The following FKTN variants were observed in gnomAD, a reference collection of about 807,000 sequenced individuals.
FKTN encodes fukutin.
In FKTN, 47 loss-of-function variants were observed where a neutral mutation model predicts 58.6. The ratio of observed to expected loss-of-function variants is 0.80; its 90% CI spans 0.63 to 1.02. The LOEUF (loss-of-function observed/expected upper bound fraction) is 1.02, where lower values mean the gene tolerates loss of function less well. Ranked by LOEUF, FKTN falls within the 50% of genes least tolerant of loss-of-function variation. The pLI is 0.00. For missense variants in FKTN, 516 were observed against 537.3 expected, an observed-to-expected ratio of 0.96 and a Z score of 0.39; for synonymous variants, 178 against 191.9, an observed-to-expected ratio of 0.93 and a Z score of 0.60.
intron 10 of FKTN, among the ~76,000 whole-genome samples, chr9:105,627,497 C>A (rs1030564612): frequency 5.3e-5 from 8 of 152,178 alleles, no homozygotes; most frequent in Non-Finnish European, 1.0e-4. Flanking sequence ...GATTCACTAG[C>A]TTTTCTACCA....
rs1296369353 is a variant in FKTN at position 105,604,343 on chromosome 9, G to A, written c.498G>A (p.Leu166=). The A allele has an allele frequency of 1.9e-6, 3 of 1,614,094 alleles. No individual in the cohort carries two copies. The East Asian group carries it at 6.7e-5, about 36-fold the overall frequency. Residue 166 remains leucine (L), a synonymous_variant, in exon 6 of 11, where the codon CTG becomes CTA. Transcript: ENST00000357998. ...TCCCCCTGCACTATATCTGCAAACT[G>A]GCCACTCATGCGATCCACTTGGTAG... The part of the protein sequence containing the change: ...TEIPLHYICK[L]ATHAIHLVVF...
chr9:105,606,773 A>T (rs952815844), intron 6 of FKTN, among the ~76,000 whole-genome samples: 5 of 151,080 alleles, frequency 3.3e-5, no homozygotes, highest in African/African-American at 1.2e-4. Context: ...ATATTTGAGA[A>T]TGACTGAAAA....
In FKTN at chr9:105,635,494, A is replaced by T. The variant is rs1379448254; in HGVS notation, c.*230A>T. 6.4e-5 allele frequency: 90 copies of T among 1,405,288 alleles called. No individual in the cohort carries two copies. Among genetic ancestry groups the T allele is most frequent in the Admixed American group, 3.8e-4 (13 of 33,852 alleles). The allele number at this position is 1,405,288 out of a possible 1,614,324, so 87.1% of individuals were successfully genotyped here. A position where few individuals can be genotyped will look rare whatever the true frequency, so the allele number is the denominator to read the frequency against. ...GGAGAAGCCTAGATGAATGAGACAA[A>T]TACCTACTTCTTTTATTCCTCCTTT... On this transcript the variant is annotated 3_prime_UTR_variant, in exon 11 of 11. Coordinates refer to ENST00000357998, the MANE Select transcript of FKTN (RefSeq NM_001079802.2).
chr9:105,595,245 A>G (rs1588043321), intron 3 of FKTN, among the ~76,000 whole-genome samples: 2 of 152,096 alleles, frequency 1.3e-5, no homozygotes, highest in East Asian at 3.9e-4. Context: ...CTGGAATTAG[A>G]TAGTGGTAAT....
intron 10 of FKTN, among the ~76,000 whole-genome samples, chr9:105,623,701 G>A (rs1406613542): frequency 2.6e-5 from 4 of 152,142 alleles, no homozygotes; most frequent in Non-Finnish European, 4.4e-5. Context: ...ACTGCTATGT[G>A]CTAAGGATAC....
At chr9:105,595,893 C>T (rs922322800) in intron 3 of FKTN, among the ~76,000 whole-genome samples, 5 of 152,168 alleles carry the variant, frequency 3.3e-5, no homozygotes, top group African/African-American at 9.7e-5. Context: ...ATCTTCATTA[C>T]GCTTGAAACA....
At chr9:105,568,732 G>A (rs1012295020) in intron 1 of FKTN, among the ~76,000 whole-genome samples, 6 of 152,166 alleles carry the variant, frequency 3.9e-5, no homozygotes, top group Non-Finnish European at 7.4e-5. Flanking sequence ...ACAGTGTGGC[G>A]ATTCCTCTGG....
chr9:105,585,747 G>A (rs1843785776), intron 3 of FKTN, among the ~76,000 whole-genome samples: 1 of 152,184 alleles, frequency 6.6e-6, no homozygotes, highest in Admixed American at 6.5e-5. Context: ...TGTGGGATAT[G>A]CTTAGATAAA....
In FKTN at chr9:105,611,969, C is replaced by T. The variant is rs186334792; in HGVS notation, c.781-3309C>T. On this transcript the variant is annotated intron_variant, in intron 7 of 10. Coordinates refer to ENST00000357998, the MANE Select transcript of FKTN (RefSeq NM_001079802.2). ...TGAACTAATTTACACTCCCACCAAC[C>T]GTGTATAAGTGTTCCTTTTTCTCCA... is the stretch of plus-strand genomic sequence containing the variant. Among the ~76,000 whole-genome samples the T allele has an allele frequency of 1.2e-4, 19 of 152,224 alleles. No homozygotes were observed. The East Asian group carries it at 2.7e-3, about 22-fold the overall frequency.
chr9:105,572,089 G>T (rs947104939), intron 1 of FKTN, among the ~76,000 whole-genome samples: 3 of 152,078 alleles, frequency 2.0e-5, no homozygotes, highest in Admixed American at 2.0e-4. Flanking sequence ...CATCAATGTT[G>T]ATTGATATTG....
In FKTN at chr9:105,636,004, C is replaced by T; in HGVS notation, c.*740C>T. The stretch of plus-strand genomic sequence containing the variant: ...CCATTGTGAGAATATTTTCACTGAC[C>T]TCTGATGGCACTTGTTGACAAATCA... On this transcript the variant is annotated 3_prime_UTR_variant, in exon 11 of 11. Coordinates refer to ENST00000357998, the MANE Select transcript of FKTN (RefSeq NM_001079802.2). The T allele has an allele frequency of 1.0e-6, 1 of 985,400 alleles. No individual in the cohort carries two copies. The highest frequency in any genetic ancestry group is 1.2e-6 in the Non-Finnish European group (1 of 829,958). 61.0% of individuals were successfully genotyped at this position (985,400 alleles called of 1,614,324 possible).
At chr9:105,598,798 C>T (rs1827289060) in intron 4 of FKTN, 3 of 152,054 alleles carry the variant, frequency 2.0e-5, no homozygotes, top group Admixed American at 2.0e-4. Flanking sequence ...TTGTATTTAA[C>T]ACCAACCTGA....
chr9:105,568,615 C>T (rs976305814), intron 1 of FKTN, among the ~76,000 whole-genome samples: 34 of 152,084 alleles, frequency 2.2e-4, no homozygotes, highest in Admixed American at 1.8e-3. Context: ...GTTAGAATGG[C>T]GATCATTAAA....
chr9:105,570,828 A>AT (rs1840611494), intron 1 of FKTN, among the ~76,000 whole-genome samples: 1 of 152,130 alleles, frequency 6.6e-6, no homozygotes, highest in Admixed American at 6.6e-5. Flanking sequence ...AAGAAGTGTC[A>AT]TTTGAGAGGA....
At chr9:105,562,853 A>G (rs73516043) in intron 1 of FKTN, among the ~76,000 whole-genome samples, 1,547 of 152,254 alleles carry the variant, frequency 0.01, 25 homozygotes, top group African/African-American at 0.035. Flanking sequence ...TTACTCCCCA[A>G]TATCCCCAAA....
chr9:105,615,791 T>C (rs1830701046), intron 8 of FKTN, among the ~76,000 whole-genome samples: 1 of 152,218 alleles, frequency 6.6e-6, no homozygotes, highest in Non-Finnish European at 1.5e-5. Flanking sequence ...ATACATATGA[T>C]GTTTAATTTA....
intron 10 of FKTN, among the ~76,000 whole-genome samples, chr9:105,627,508 A>G (rs950945790): frequency 5.3e-5 from 8 of 152,080 alleles, no homozygotes; most frequent in Non-Finnish European, 1.2e-4. Context: ...TTTTCTACCA[A>G]TGTGCTTTTT....
intron 6 of FKTN, among the ~76,000 whole-genome samples, 159 bp from the exon 7 acceptor site, chr9:105,607,660 C>A: frequency 6.6e-6 from 1 of 151,900 alleles, no homozygotes; most frequent in East Asian, 1.9e-4. Context: ...ACTGAACGTG[C>A]AGGTTTGTTA....
chr9:105,559,028 C>G (rs1346970749), intron 1 of FKTN, among the ~76,000 whole-genome samples: 1 of 152,110 alleles, frequency 6.6e-6, no homozygotes, highest in African/African-American at 2.4e-5. Flanking sequence ...AGAAAGGAAC[C>G]GGGGAAATGC....
Sources: gnomAD v4.1 joint callset for allele counts (sites outside exome capture counted in the v4.1 genomes callset) on GRCh38, gnomAD v4.1.1 for gene constraint, MANE v1.5 for transcripts, NCBI Gene and HGNC (gene_info 2026-07-23, HGNC 2026-07-21) for gene names.